The following FREM1 variants were observed in gnomAD, a reference collection of about 807,000 sequenced individuals.
FREM1 encodes FRAS1-related extracellular matrix protein 1.
Under a neutral mutation model 210.1 loss-of-function variants are expected in FREM1, and 220 were observed. That is an observed-to-expected ratio of 1.05 (90% CI 0.94 to 1.17). The LOEUF is 1.17. FREM1 is among the 50% of genes most tolerant of loss of function. The pLI is 0.00. For missense variants in FREM1, 3,454 were observed against 2,675.5 expected (o/e 1.29, Z -6.42); for synonymous variants, 1,189 against 980.2 (o/e 1.21, Z -3.98).
rs779976699 is a variant in FREM1 at position 14,784,542 on chromosome 9, C to G, written c.4270G>C (p.Asp1424His). The change falls in exon 24 of 37, where the codon GAC (aspartate) becomes CAC (histidine). Residue 1424 changes from aspartate to histidine, a missense_variant. Physicochemically the swap from Asp to His is moderately conservative, Grantham distance 81. Transcript: ENST00000380880. ...ACATAGAGCAGTTCCTCAGGCTTGTCTGTTCCGTCCACAGCCAGGAGCGTG... is the reference window on the plus strand; with the variant it reads ...ACATAGAGCAGTTCCTCAGGCTTGTGTGTTCCGTCCACAGCCAGGAGCGTG... The part of the protein sequence containing the change: ...TTTLLAVDGT[D>H]KPEELLYVIT... 2 of 1,613,634 alleles carry G rather than the reference C, an allele frequency of 1.2e-6. No homozygotes were observed. Among genetic ancestry groups the G allele is most frequent in the Non-Finnish European group, 8.5e-7 (1 of 1,179,774 alleles).
rs199693458 is a variant in FREM1 at position 14,760,622 on chromosome 9, AAAAC to A, written c.5205-725_5205-722del. Among the ~76,000 whole-genome samples the A allele has an allele frequency of 5.5e-3, 830 of 152,174 alleles. 3 individuals are homozygous for A. The highest frequency in any genetic ancestry group is 7.8e-3 in the African/African-American group (324 of 41,534). On this transcript the variant is annotated intron_variant, in intron 27 of 36. Coordinates refer to ENST00000380880, the MANE Select transcript of FREM1 (RefSeq NM_001379081.2). Reference sequence around the variant, plus strand: ...ATCTAGAGAGGAACATTTTTTTTCAAAAACAAACAGACAAACAAGCTTCAGAGAG... The same window carrying A: ...ATCTAGAGAGGAACATTTTTTTTCAAAAACAGACAAACAAGCTTCAGAGAG...
chr9:14,745,546 C>T (rs746542062), intron 35 of FREM1, among the ~76,000 whole-genome samples: 6 of 152,142 alleles, frequency 3.9e-5, no homozygotes, highest in Non-Finnish European at 8.8e-5. Context: ...GATTTGAGAA[C>T]AGCTTTTTCT....
intron 1 of FREM1, among the ~76,000 whole-genome samples, chr9:14,901,232 G>C (rs1838731077): frequency 1.3e-5 from 2 of 152,186 alleles, no homozygotes; most frequent in South Asian, 4.1e-4. Flanking sequence ...GAGCACATTA[G>C]AAGGAGATTT....
intron 19 of FREM1, among the ~76,000 whole-genome samples, chr9:14,803,581 C>A (rs1452471765): frequency 1.3e-5 from 2 of 152,034 alleles, no homozygotes; most frequent in Admixed American, 1.3e-4. Context: ...ATTGCCCAGG[C>A]TGGTCTTGAA....
At chr9:14,772,877 T>G (rs2132547343) in intron 25 of FREM1, among the ~76,000 whole-genome samples, 1 of 152,312 alleles carries the variant, frequency 6.6e-6, no homozygotes, top group African/African-American at 2.4e-5. Flanking sequence ...TTTATTTTGG[T>G]TTTGGATGTT....
chr9:14,860,845 A>ATATATACGTATATATATGTATATATACG (rs1564102465), intron 3 of FREM1, among the ~76,000 whole-genome samples: 1 of 84,938 alleles, frequency 1.2e-5, no homozygotes, highest in Non-Finnish European at 2.1e-5. Context: ...GTATATATAC[A>ATATATACGTATATATATGTATATATACG]TATATACGTA....
At chr9:14,825,074 TTAAGA>T (rs1228441718) in intron 10 of FREM1, 82 bp from the exon 11 acceptor site, 2 of 899,946 alleles carry the variant, frequency 2.2e-6, no homozygotes, top group East Asian at 5.1e-5. Flanking sequence ...CTAGTCACAG[TTAAGA>T]TAATTTCTAA....
At chr9:14,746,237 G>A in intron 35 of FREM1, 116 bp downstream of exon 35, 1 of 701,014 alleles carries the variant, frequency 1.4e-6, no homozygotes. Flanking sequence ...ACAAAGCCAG[G>A]CAGATATTAG....
intron 1 of FREM1, among the ~76,000 whole-genome samples, chr9:14,900,102 A>G (rs1390556610): frequency 6.6e-6 from 1 of 152,198 alleles, no homozygotes; most frequent in African/African-American, 2.4e-5. Flanking sequence ...GAAAGAAGCA[A>G]ACCATTCTTA....
intron 28 of FREM1, 43 bp downstream of exon 28, chr9:14,759,729 A>C (rs756843471): frequency 1.3e-6 from 2 of 1,494,866 alleles, no homozygotes; most frequent in African/African-American, 1.4e-5. Flanking sequence ...ACCAAAGAAC[A>C]ACATAAGTTT....
Position 14,813,181 on chromosome 9 carries a change from A to C in FREM1, c.2641-117T>G, listed in dbSNP as rs1819713123. 5.6e-5 allele frequency: 63 copies of C among 1,128,190 alleles called. No homozygotes were observed. In the South Asian group the frequency reaches 1.0e-3, roughly 18 times the overall value. The allele number at this position is 1,128,190 out of a possible 1,614,324, so 69.9% of individuals were successfully genotyped here. ...GCATTTTCATCTTACAGACACATGA[A>C]ACAACAGCCGTGAAATTTGGCCAAG... On this transcript the variant is annotated intron_variant, in intron 15 of 36. Transcript: ENST00000380880.
At chr9:14,828,825 T>C (rs1451326736) in intron 10 of FREM1, among the ~76,000 whole-genome samples, 5 of 152,270 alleles carry the variant, frequency 3.3e-5, no homozygotes, top group African/African-American at 1.2e-4. Flanking sequence ...AATGAGTCTC[T>C]CTCCCAGACT....
intron 23 of FREM1, among the ~76,000 whole-genome samples, chr9:14,786,364 C>T (rs1392437518): frequency 1.3e-5 from 2 of 152,138 alleles, no homozygotes; most frequent in South Asian, 2.1e-4. Flanking sequence ...AAAAGAAAAA[C>T]ACGTGATGTA....
At chr9:14,835,806 A>G (rs566512263) in intron 10 of FREM1, among the ~76,000 whole-genome samples, 2 of 152,382 alleles carry the variant, frequency 1.3e-5, no homozygotes, top group East Asian at 3.9e-4. Flanking sequence ...AAGTTTACTG[A>G]TAATTACTTT....
intron 10 of FREM1, among the ~76,000 whole-genome samples, chr9:14,835,442 T>C (rs576335929): frequency 6.6e-6 from 1 of 152,232 alleles, no homozygotes; most frequent in Non-Finnish European, 1.5e-5. Context: ...AGGCTTTGAC[T>C]GAAGGGGTGT....
chr9:14,828,456 G>A (rs1003710160), intron 10 of FREM1, among the ~76,000 whole-genome samples: 3 of 152,092 alleles, frequency 2.0e-5, no homozygotes, highest in Non-Finnish European at 4.4e-5. Context: ...AGCTCGAGGG[G>A]AAATTTGTTT....
intron 25 of FREM1, among the ~76,000 whole-genome samples, chr9:14,775,434 G>C (rs934359131): frequency 3.9e-5 from 6 of 152,100 alleles, no homozygotes; most frequent in Non-Finnish European, 8.8e-5. Flanking sequence ...GGCCAGGCGT[G>C]ATAGCTCACG....
intron 1 of FREM1, among the ~76,000 whole-genome samples, chr9:14,893,636 T>G (rs1837240531): frequency 6.6e-6 from 1 of 151,848 alleles, no homozygotes; most frequent in African/African-American, 2.4e-5. Flanking sequence ...AAAAGTGTAA[T>G]GCCTTTTAGT....
chr9:14,744,616 C>T (rs1286648638), intron 35 of FREM1, among the ~76,000 whole-genome samples: 2 of 151,988 alleles, frequency 1.3e-5, no homozygotes, highest in Non-Finnish European at 2.9e-5. Context: ...TATTCTCTTG[C>T]TGATGGAGAA....
Sources: gnomAD v4.1 joint callset for allele counts (sites outside exome capture counted in the v4.1 genomes callset) on GRCh38, gnomAD v4.1.1 for gene constraint, MANE v1.5 for transcripts, NCBI Gene and HGNC (gene_info 2026-07-23, HGNC 2026-07-21) for gene names.